The following LSM3 variants were observed in gnomAD, a reference collection of about 807,000 sequenced individuals.
LSM3 encodes the protein U6 snRNA-associated Sm-like protein LSm3.
LSM3 carries 14 observed loss-of-function variants against 15.4 expected under a neutral mutation model. The observed-to-expected ratio is 0.91, with a 90% CI of 0.60 to 1.42. LSM3 has a LOEUF of 1.42. LSM3 is among the 40% of genes most tolerant of loss of function. The pLI, the probability that LSM3 is intolerant of heterozygous loss-of-function variation, is 0.00. For synonymous variants in LSM3, 46 were observed against 45.1 expected (o/e 1.02, Z -0.08); for missense variants, 88 against 127.9 (o/e 0.69, Z 1.50).
At chr3:14,191,063 G>C (rs1380656102) in intron 3 of LSM3, among the ~76,000 whole-genome samples, 1 of 152,136 alleles carries the variant, frequency 6.6e-6, no homozygotes, top group African/African-American at 2.4e-5. Flanking sequence ...TTTTGTGATT[G>C]GTCCTGTTTA....
intron 2 of LSM3, among the ~76,000 whole-genome samples, chr3:14,182,280 A>G (rs1359159775): frequency 6.6e-6 from 1 of 151,950 alleles, no homozygotes; most frequent in Non-Finnish European, 1.5e-5. Context: ...ACATACTTGC[A>G]TTATGTACAC....
intron 3 of LSM3, among the ~76,000 whole-genome samples, chr3:14,195,734 T>C (rs2124829226): frequency 6.6e-6 from 1 of 152,314 alleles, no homozygotes; most frequent in South Asian, 2.1e-4. Context: ...TTCATGGAAC[T>C]GTTGTAAACG....
intron 3 of LSM3, among the ~76,000 whole-genome samples, chr3:14,196,238 G>C (rs920021688): frequency 3.2e-4 from 49 of 152,172 alleles, no homozygotes; most frequent in African/African-American, 1.2e-3. Flanking sequence ...TTACAGGTGT[G>C]AACCACCGTG....
Position 14,200,707 on chromosome 3 carries a change from G to A in LSM3, c.*2591G>A, listed in dbSNP as rs1697227190. ...ATGAAAAGTAACTTGAGTATCCCAA[G>A]TTAAACTTAATCATTAGCTGCAAAT... On this transcript the variant is annotated 3_prime_UTR_variant, in exon 4 of 4. Transcript: ENST00000306024. 6.6e-6 allele frequency: 1 copy of A among 152,184 alleles called. No homozygotes were observed. Among genetic ancestry groups the A allele is most frequent in the African/African-American group, 2.4e-5 (1 of 41,430 alleles). The allele number at this position is 152,184 out of a possible 1,614,324, so 9.4% of individuals were successfully genotyped here.
At chr3:14,179,162 G>A (rs1302932379) in intron 1 of LSM3, among the ~76,000 whole-genome samples, 1 of 152,172 alleles carries the variant, frequency 6.6e-6, no homozygotes, top group Non-Finnish European at 1.5e-5. Flanking sequence ...GATTCCAATA[G>A]AAAGCCAGGT....
chr3:14,189,358 G>A (rs1265303197), intron 3 of LSM3, among the ~76,000 whole-genome samples: 1 of 152,206 alleles, frequency 6.6e-6, no homozygotes, highest in Non-Finnish European at 1.5e-5. Flanking sequence ...TCCAGTTCTA[G>A]ATCCTTGAGG....
chr3:14,182,245 T>C (rs1182006056), intron 2 of LSM3, among the ~76,000 whole-genome samples: 1 of 152,074 alleles, frequency 6.6e-6, no homozygotes, highest in African/African-American at 2.4e-5. Flanking sequence ...TGTTTACACA[T>C]ATACACTCAT....
At chr3:14,192,579 T>C (rs925786239) in intron 3 of LSM3, among the ~76,000 whole-genome samples, 6 of 152,266 alleles carry the variant, frequency 3.9e-5, no homozygotes, top group Non-Finnish European at 7.3e-5. Flanking sequence ...AAGTCTGTTT[T>C]ATTACAGATT....
chr3:14,178,823 T>C lies in LSM3; in HGVS notation c.-38T>C. 4 of 1,614,042 alleles carry C rather than the reference T, an allele frequency of 2.5e-6. No individual in the cohort carries two copies. The highest frequency in any genetic ancestry group is 3.4e-6 in the Non-Finnish European group (4 of 1,179,852). On this transcript the variant is annotated 5_prime_UTR_variant, in exon 1 of 4. Coordinates refer to ENST00000306024, the MANE Select transcript of LSM3 (RefSeq NM_014463.3). ...TCCGGAGATTGACGTTGCTCTTGTG[T>C]TCTCGCGAGAGGCGGGAAAGGGCGC...
At chr3:14,183,131 T>C (rs532283572) in intron 2 of LSM3, among the ~76,000 whole-genome samples, 8 of 152,344 alleles carry the variant, frequency 5.3e-5, no homozygotes, top group Non-Finnish European at 1.0e-4. Context: ...GCCCCAACTT[T>C]CTGTTTGTTT....
chr3:14,179,724 T>C (rs777527202), intron 1 of LSM3, among the ~76,000 whole-genome samples: 6 of 152,228 alleles, frequency 3.9e-5, no homozygotes, highest in Non-Finnish European at 8.8e-5. Flanking sequence ...AGAACAGTGC[T>C]GGAAACACTC....
Position 14,198,956 on chromosome 3 carries a change from T to C in LSM3, c.*840T>C, listed in dbSNP as rs374354551. ...AGTAAGATTAGTGCTGATAGAATCA[T>C]GCACATGCAGGATGCCATAGGAGCA... On this transcript the variant is annotated 3_prime_UTR_variant, in exon 4 of 4. Coordinates refer to ENST00000306024, the MANE Select transcript of LSM3 (RefSeq NM_014463.3). 2.0e-4 allele frequency: 30 copies of C among 152,092 alleles called. No homozygotes were observed. In the East Asian group the frequency reaches 5.4e-3, roughly 27 times the overall value. The allele number at this position is 152,092 out of a possible 1,614,324, so 9.4% of individuals were successfully genotyped here. A position where few individuals can be genotyped will look rare whatever the true frequency, so the allele number is the denominator to read the frequency against.
At chr3:14,178,924 C>T (rs746448008) in intron 1 of LSM3, 43 bp downstream of exon 1, 1 of 1,610,594 alleles carries the variant, frequency 6.2e-7, no homozygotes, top group African/African-American at 1.3e-5. Flanking sequence ...GCTTCTTGTA[C>T]TAGGCTGCTT....
chr3:14,188,322 T>TTATGGTCCATGCTGAGACCA (rs1330733175), intron 3 of LSM3, among the ~76,000 whole-genome samples: 1 of 152,222 alleles, frequency 6.6e-6, no homozygotes, highest in African/African-American at 2.4e-5. Context: ...AACTAACTCT[T>TTATGGTCCATGCTGAGACCA]TATGGTCCAT....
intron 3 of LSM3, among the ~76,000 whole-genome samples, chr3:14,188,228 A>G (rs1419143624): frequency 2.8e-4 from 43 of 151,532 alleles, no homozygotes; most frequent in Non-Finnish European, 4.6e-4. Flanking sequence ...TGCACATTTA[A>G]TTTTATTTAA....
chr3:14,183,918 C>T lies in LSM3; in HGVS notation c.133-19C>T, dbSNP rs777077817. The stretch of plus-strand genomic sequence containing the variant: ...AATTTGATTATTAAATTTCTTGGTT[C>T]TGTACCCTCCCACTTTAGGCTTATG... On this transcript the variant is annotated intron_variant, in intron 2 of 3. Transcript: ENST00000306024. 2.5e-6 allele frequency: 4 copies of T among 1,577,628 alleles called. No individual in the cohort carries two copies. The highest frequency in any genetic ancestry group is 3.4e-6 in the Non-Finnish European group (4 of 1,160,130).
At chr3:14,197,406 A>G (rs1275605712) in intron 3 of LSM3, among the ~76,000 whole-genome samples, 1 of 152,224 alleles carries the variant, frequency 6.6e-6, no homozygotes, top group East Asian at 1.9e-4. Flanking sequence ...TCGAACATTC[A>G]TGTGTTTCTT....
At chr3:14,180,102 T>G (rs773303772) in intron 1 of LSM3, among the ~76,000 whole-genome samples, 3 of 152,186 alleles carry the variant, frequency 2.0e-5, no homozygotes, top group Non-Finnish European at 2.9e-5. Context: ...GTTACCTTCC[T>G]CCACTGGCCT....
chr3:14,198,086 C>T lies in LSM3; in HGVS notation c.279C>T (p.Val93=). Residue 93 remains valine, a synonymous_variant, in exon 4 of 4, where the codon GTC becomes GTT. Transcript: ENST00000306024. ...TCTTTGTCCGGGGAGATGGCGTTGT[C>T]CTGGTTGCCCCTCCACTGAGAGTTG... The part of the protein sequence containing the change: ...PMLFVRGDGV[V]LVAPPLRVG The T allele has an allele frequency of 6.2e-7, 1 of 1,613,498 alleles. No individual in the cohort carries two copies. The highest frequency in any genetic ancestry group is 8.5e-7 in the Non-Finnish European group (1 of 1,179,808).
Sources: gnomAD v4.1 joint callset for allele counts (sites outside exome capture counted in the v4.1 genomes callset) on GRCh38, gnomAD v4.1.1 for gene constraint, MANE v1.5 for transcripts, NCBI Gene and HGNC (gene_info 2026-07-23, HGNC 2026-07-21) for gene names.